Variants in NDRG3 observed in about 807,000 individuals in gnomAD.
NDRG3 encodes the protein protein NDRG3.
NDRG3 carries 23 observed loss-of-function variants against 57.2 expected under a neutral mutation model. The observed-to-expected ratio is 0.40, with a 90% CI of 0.29 to 0.57. The LOEUF (loss-of-function observed/expected upper bound fraction) is 0.57. NDRG3 is among the 20% of genes least tolerant of loss of function. The pLI is 0.42. For missense variants in NDRG3, 384 were observed against 457.3 expected (o/e 0.84, Z 1.46); for synonymous variants, 132 against 162.6 (o/e 0.81, Z 1.43).
chr20:36,711,611 C>T (rs1266639875), intron 2 of NDRG3, among the ~76,000 whole-genome samples: 1 of 152,120 alleles, frequency 6.6e-6, no homozygotes, highest in Non-Finnish European at 1.5e-5. Flanking sequence ...GACATGAGCA[C>T]AAAGGGGCAT....
At chr20:36,662,003 G>T in intron 12 of NDRG3, among the ~76,000 whole-genome samples, 1 of 152,226 alleles carries the variant, frequency 6.6e-6, no homozygotes, top group Middle Eastern at 3.4e-3. Flanking sequence ...TACAGAATGC[G>T]CATTAACTCT....
intron 10 of NDRG3, among the ~76,000 whole-genome samples, chr20:36,665,661 C>T (rs1354369873): frequency 2.6e-5 from 4 of 152,084 alleles, no homozygotes; most frequent in East Asian, 3.9e-4. Flanking sequence ...TGCAGTGGCA[C>T]GATCTCAGCT....
At chr20:36,699,268 G>A (rs1983049708) in intron 3 of NDRG3, among the ~76,000 whole-genome samples, 1 of 152,142 alleles carries the variant, frequency 6.6e-6, no homozygotes, top group South Asian at 2.1e-4. Context: ...TAAAAACTTG[G>A]AGGAGAAACA....
chr20:36,665,452 T>C, intron 10 of NDRG3, 151 bp from the exon 11 acceptor site: 1 of 723,358 alleles, frequency 1.4e-6, no homozygotes, highest in Non-Finnish European at 2.3e-6. Flanking sequence ...GACTTGGTTC[T>C]TGAGTCGCCA....
intron 9 of NDRG3, among the ~76,000 whole-genome samples, chr20:36,668,896 T>A (rs1452190666): frequency 6.6e-6 from 1 of 151,848 alleles, no homozygotes; most frequent in African/African-American, 2.4e-5. Context: ...AATTATTAAA[T>A]ACTGGCCTTA....
intron 3 of NDRG3, among the ~76,000 whole-genome samples, chr20:36,693,328 C>T (rs751589458): frequency 2.0e-5 from 3 of 150,428 alleles, no homozygotes; most frequent in Non-Finnish European, 4.4e-5. Context: ...TCAAACAACA[C>T]AAGGGTTAGT....
At chr20:36,738,822 C>CAAAA (rs1158908616) in intron 1 of NDRG3, among the ~76,000 whole-genome samples, 1 of 81,810 alleles carries the variant, frequency 1.2e-5, no homozygotes. Context: ...AAAACTGTCT[C>CAAAA]AAAAAAAAAA....
intron 1 of NDRG3, among the ~76,000 whole-genome samples, chr20:36,744,295 A>G (rs1023197271): frequency 4.6e-5 from 7 of 152,134 alleles, no homozygotes; most frequent in African/African-American, 1.7e-4. Context: ...GGTGATGACA[A>G]GTTTAATCTG....
chr20:36,726,258 T>G (rs1400124443), intron 1 of NDRG3, among the ~76,000 whole-genome samples: 1 of 151,998 alleles, frequency 6.6e-6, no homozygotes, highest in African/African-American at 2.4e-5. Flanking sequence ...AAAATGCAAT[T>G]TTTACACCAA....
intron 3 of NDRG3, among the ~76,000 whole-genome samples, chr20:36,695,573 G>A (rs1982710094): frequency 1.3e-5 from 2 of 152,352 alleles, no homozygotes; most frequent in South Asian, 4.1e-4. Flanking sequence ...GCCTTATGCA[G>A]TTGTAGATAG....
intron 3 of NDRG3, among the ~76,000 whole-genome samples, chr20:36,700,984 A>C (rs1318614276): frequency 2.0e-5 from 3 of 151,950 alleles, no homozygotes; most frequent in African/African-American, 4.8e-5. Context: ...ATATTGCCCA[A>C]GCTGATCTCA....
At chr20:36,745,535 G>T (rs1986144075) in intron 1 of NDRG3, among the ~76,000 whole-genome samples, 1 of 152,198 alleles carries the variant, frequency 6.6e-6, no homozygotes. Flanking sequence ...GTTAAGTGGG[G>T]CTAAGAAGCC....
intron 1 of NDRG3, among the ~76,000 whole-genome samples, chr20:36,728,722 GT>G (rs995278454): frequency 1.1e-4 from 17 of 151,728 alleles, no homozygotes; most frequent in South Asian, 2.1e-4. Flanking sequence ...TGGTTTTTTT[GT>G]TTTTTTGGGG....
At chr20:36,687,711 T>A (rs1981912268) in intron 4 of NDRG3, 99 bp from the exon 5 acceptor site, 1 of 1,371,824 alleles carries the variant, frequency 7.3e-7, no homozygotes, top group Admixed American at 2.2e-5. Flanking sequence ...TCCCTGCTTT[T>A]TAACCACCAT....
chr20:36,675,044 G>A, intron 8 of NDRG3, among the ~76,000 whole-genome samples: 1 of 146,982 alleles, frequency 6.8e-6, no homozygotes, highest in East Asian at 2.0e-4. Flanking sequence ...ACAGACGTGT[G>A]CCACCACAAC....
chr20:36,743,408 C>T (rs972322673), intron 1 of NDRG3, among the ~76,000 whole-genome samples: 2 of 152,046 alleles, frequency 1.3e-5, no homozygotes, highest in Non-Finnish European at 1.5e-5. Context: ...GCAGGAAAAT[C>T]GCTTGAACCC....
chr20:36,683,724 ATATATAACTGAAACC>A (rs1209387019), intron 6 of NDRG3, among the ~76,000 whole-genome samples: 1 of 151,608 alleles, frequency 6.6e-6, no homozygotes. Context: ...ATATAAAAAT[ATATATAACTGAAACC>A]TGGGAGTTAT....
chr20:36,669,318 C>T (rs1979926023), intron 9 of NDRG3, among the ~76,000 whole-genome samples: 1 of 151,934 alleles, frequency 6.6e-6, no homozygotes, highest in African/African-American at 2.4e-5. Flanking sequence ...CAACCTCTGC[C>T]TCCTGGGTTC....
chr20:36,733,760 T>C (rs181803817), intron 1 of NDRG3, among the ~76,000 whole-genome samples: 160 of 151,944 alleles, frequency 1.1e-3, no homozygotes, highest in African/African-American at 3.4e-3. Flanking sequence ...GGGGGCATAC[T>C]GGAGAGAATA....
Sources: allele counts gnomAD v4.1 joint callset (sites outside exome capture counted in the v4.1 genomes callset), GRCh38; gene constraint gnomAD v4.1.1; transcripts MANE v1.5; gene names NCBI Gene and HGNC (gene_info 2026-07-23, HGNC 2026-07-21).